The following CAMTA1 variants were observed in gnomAD, a reference collection of about 807,000 sequenced individuals.
CAMTA1 encodes calmodulin-binding transcription activator 1.
A neutral mutation model predicts 170.9 loss-of-function variants in CAMTA1; 27 were observed. The ratio of observed to expected loss-of-function variants is 0.16; its 90% CI spans 0.12 to 0.22. The LOEUF (loss-of-function observed/expected upper bound fraction) is 0.22. Ranked by LOEUF, CAMTA1 falls within the 10% of genes least tolerant of loss-of-function variation. The pLI, the probability that CAMTA1 is intolerant of heterozygous loss-of-function variation, is 1.00. For synonymous variants in CAMTA1, 833 were observed against 891.5 expected (o/e 0.93, Z 1.17); for missense variants, 1,619 against 2,217.2 (o/e 0.73, Z 5.42).
rs552603143 is a variant in CAMTA1, at chr1:7,584,333, G to T, written c.511-56067G>T. Among the ~76,000 whole-genome samples the T allele has an allele frequency of 2.6e-5, 4 of 152,142 alleles. No individual in the cohort carries two copies. The South Asian group carries it at 8.3e-4, about 32-fold the overall frequency. ...GGAAGCTGACTGAGAGGATGGCCAA[G>T]GGTCGGGGGCTTCCGGCTGAACTGT... On this transcript the variant is annotated intron_variant, in intron 6 of 22. Transcript: ENST00000303635.
chr1:6,998,133 A>G (rs1159599021), intron 3 of CAMTA1, among the ~76,000 whole-genome samples: 1 of 151,994 alleles, frequency 6.6e-6, no homozygotes, highest in Non-Finnish European at 1.5e-5. Context: ...GCTGGAGCGC[A>G]GTGGCACGGT....
In CAMTA1 at chr1:7,736,558, C is replaced by T; in HGVS notation, c.3263+18C>T. The T allele has an allele frequency of 6.2e-7, 1 of 1,611,980 alleles. No homozygotes were observed. The highest frequency in any genetic ancestry group is 1.1e-5 in the South Asian group (1 of 91,052). On this transcript the variant is annotated intron_variant, in intron 13 of 22. Coordinates refer to ENST00000303635, the MANE Select transcript of CAMTA1 (RefSeq NM_015215.4). The surrounding 1 kb of genome is among the most constrained non-coding windows in gnomAD (Gnocchi z 4.5). The stretch of plus-strand genomic sequence containing the variant: ...AAATGGCGGTAAGGCTGTGGTGCAG[C>T]TGGCTGGGGGTCAGCCTCGCACATC...
chr1:6,860,604 A>G (rs375849574), intron 3 of CAMTA1, among the ~76,000 whole-genome samples: 3 of 151,916 alleles, frequency 2.0e-5, no homozygotes, highest in East Asian at 1.9e-4. Context: ...TATTGCTCCT[A>G]TTCTGTTCTT....
chr1:7,741,075 C>T (rs897986027), intron 16 of CAMTA1, among the ~76,000 whole-genome samples: 1 of 152,120 alleles, frequency 6.6e-6, no homozygotes, highest in African/African-American at 2.4e-5. Flanking sequence ...TAGGAAGGGA[C>T]TCTTTAAATA....
intron 11 of CAMTA1, among the ~76,000 whole-genome samples, chr1:7,684,062 G>C (rs1169756237): frequency 6.6e-6 from 1 of 152,120 alleles, no homozygotes; most frequent in Non-Finnish European, 1.5e-5. Context: ...GCAAGGAGTG[G>C]GTCACCTTGG....
intron 5 of CAMTA1, among the ~76,000 whole-genome samples, chr1:7,345,629 T>A (rs932111748): frequency 3.3e-5 from 5 of 152,204 alleles, no homozygotes; most frequent in Admixed American, 1.3e-4. Context: ...GTCCTGGGAA[T>A]AACAGGCTGC....
At chr1:7,719,104 G>A (rs2096632889) in intron 11 of CAMTA1, among the ~76,000 whole-genome samples, 1 of 152,100 alleles carries the variant, frequency 6.6e-6, no homozygotes, top group Non-Finnish European at 1.5e-5. Flanking sequence ...CTGTATGGGA[G>A]TTCCAAATCT....
In CAMTA1 at chr1:7,736,816, C is replaced by A. The variant is rs1320436790; in HGVS notation, c.3264-115C>A. ...CTGCCCTGGGACTCTGTTTCTTCACCATGGGGATGTTATATACCCAGTTGG... is the reference window on the plus strand; with the variant it reads ...CTGCCCTGGGACTCTGTTTCTTCACAATGGGGATGTTATATACCCAGTTGG... On this transcript the variant is annotated intron_variant, in intron 13 of 22. Transcript: ENST00000303635. The surrounding 1 kb of genome is among the most constrained non-coding windows in gnomAD (Gnocchi z 4.5). 7.0e-6 allele frequency: 6 copies of A among 862,918 alleles called. No homozygotes were observed. Among genetic ancestry groups the A allele is most frequent in the South Asian group, 1.6e-5 (1 of 64,472 alleles). 53.5% of individuals were successfully genotyped at this position (862,918 alleles called of 1,614,324 possible).
At chr1:7,175,087 T>C (rs1454990841) in intron 4 of CAMTA1, among the ~76,000 whole-genome samples, 1 of 152,096 alleles carries the variant, frequency 6.6e-6, no homozygotes, top group Non-Finnish European at 1.5e-5. Context: ...TGTCTGCAGG[T>C]GTGTAGGACA....
intron 6 of CAMTA1, among the ~76,000 whole-genome samples, chr1:7,621,698 C>T (rs2095599632): frequency 6.6e-6 from 1 of 152,192 alleles, no homozygotes; most frequent in African/African-American, 2.4e-5. Flanking sequence ...TGGTGAGGTG[C>T]CAGGTGCAGT....
chr1:7,480,939 T>G (rs2093521872), intron 6 of CAMTA1, among the ~76,000 whole-genome samples: 1 of 152,202 alleles, frequency 6.6e-6, no homozygotes, highest in African/African-American at 2.4e-5. Flanking sequence ...GCAGGACTCA[T>G]GATGATTTCC....
chr1:6,791,968 T>G (rs1325998597), intron 1 of CAMTA1, among the ~76,000 whole-genome samples: 1 of 151,750 alleles, frequency 6.6e-6, no homozygotes, highest in African/African-American at 2.4e-5. Context: ...AAAGTGTTTC[T>G]TTTCTTTTTT....
At chr1:7,513,823 G>T (rs6676929) in intron 6 of CAMTA1, among the ~76,000 whole-genome samples, 23 of 152,298 alleles carry the variant, frequency 1.5e-4, no homozygotes, top group African/African-American at 4.3e-4. Context: ...CCTGGAGGCC[G>T]AGGCGGGAGA....
At chr1:6,906,813 C>T (rs1268062606) in intron 3 of CAMTA1, among the ~76,000 whole-genome samples, 1 of 152,180 alleles carries the variant, frequency 6.6e-6, no homozygotes, top group Non-Finnish European at 1.5e-5. Flanking sequence ...GAAATATTCT[C>T]ATGTAGTTAT....
chr1:7,226,993 T>G (rs1281594214), intron 4 of CAMTA1, among the ~76,000 whole-genome samples: 1 of 151,956 alleles, frequency 6.6e-6, no homozygotes, highest in Non-Finnish European at 1.5e-5. Flanking sequence ...CCACCACGCC[T>G]GGCTAATTTT....
chr1:7,106,654 G>A (rs534526705), intron 4 of CAMTA1, among the ~76,000 whole-genome samples: 46 of 152,012 alleles, frequency 3.0e-4, no homozygotes, highest in African/African-American at 8.5e-4. Flanking sequence ...TTATAGCCCC[G>A]TGGAACCGCG....
intron 12 of CAMTA1, among the ~76,000 whole-genome samples, chr1:7,734,338 C>A (rs1288858645): frequency 1.3e-5 from 2 of 152,118 alleles, no homozygotes; most frequent in African/African-American, 4.8e-5. Flanking sequence ...TTCCTTTCAC[C>A]AACAAAAGTG....
At chr1:7,320,637 T>G (rs964226708) in intron 5 of CAMTA1, among the ~76,000 whole-genome samples, 1 of 144,606 alleles carries the variant, frequency 6.9e-6, no homozygotes, top group Non-Finnish European at 1.5e-5. Flanking sequence ...CCCCCTGGGC[T>G]GTGCTGTGTG....
intron 3 of CAMTA1, among the ~76,000 whole-genome samples, chr1:6,828,919 CAG>C (rs1345506495): frequency 1.7e-5 from 2 of 114,342 alleles, no homozygotes; most frequent in Admixed American, 1.1e-4. Flanking sequence ...TTTTTGGAGA[CAG>C]AGTCTCACTC....
Sources: allele counts gnomAD v4.1 joint callset (sites outside exome capture counted in the v4.1 genomes callset), GRCh38; gene constraint gnomAD v4.1.1; non-coding constraint Gnocchi (gnomAD v3.1); transcripts MANE v1.5; gene names NCBI Gene and HGNC (gene_info 2026-07-23, HGNC 2026-07-21).